The following SUCO variants were observed in gnomAD, a reference collection of about 807,000 sequenced individuals.
The protein encoded by SUCO is SUN domain containing ossification factor.
Under a neutral mutation model 148.1 loss-of-function variants are expected in SUCO, and 57 were observed. The ratio of observed to expected loss-of-function variants is 0.38; its 90% CI spans 0.31 to 0.48. The LOEUF is 0.48. Among genes scored for constraint, SUCO ranks in the 20% least tolerant of loss-of-function variants. The pLI is 0.96. For missense variants in SUCO, 1,331 were observed against 1,468.2 expected (o/e 0.91, Z 1.53); for synonymous variants, 470 against 502.7 (o/e 0.93, Z 0.87).
chr1:172,611,750 G>T lies in SUCO; in HGVS notation c.*1491G>T, dbSNP rs1291422397. ...ATGTGATCTGTGTGTTGTGGGAAGAGAATTTTCAATATGTAACTACGGAGC... is the reference window on the plus strand; with the variant it reads ...ATGTGATCTGTGTGTTGTGGGAAGATAATTTTCAATATGTAACTACGGAGC... On this transcript the variant is annotated 3_prime_UTR_variant, in exon 24 of 24. Transcript: ENST00000263688. 1 of 152,592 alleles carries T rather than the reference G, an allele frequency of 6.6e-6. No homozygotes were observed. The highest frequency in any genetic ancestry group is 1.9e-4 in the East Asian group (1 of 5,198). 9.5% of individuals were successfully genotyped at this position (152,592 alleles called of 1,614,324 possible).
At position 172,586,173 on chromosome 1, in the gene SUCO, G is replaced by T. The variant is rs933753046; in HGVS notation, c.1658+225G>T. Among the ~76,000 whole-genome samples, 15 of 151,332 alleles carry T rather than the reference G, an allele frequency of 9.9e-5. No individual in the cohort carries two copies. The East Asian group carries it at 1.7e-3, about 18-fold the overall frequency. ...TCAGATCAAACTTTTTTTGGGGGGGGTATTATATATTACTTTCATTATTCA... is the reference window on the plus strand; with the variant it reads ...TCAGATCAAACTTTTTTTGGGGGGGTTATTATATATTACTTTCATTATTCA... On this transcript the variant is annotated intron_variant, in intron 17 of 23. Coordinates refer to ENST00000263688, the MANE Select transcript of SUCO (RefSeq NM_014283.5).
At chr1:172,532,537 C>T (rs183778659), upstream of SUCO, 68 of 1,613,804 alleles carry the variant, frequency 4.2e-5, 2 homozygotes, top group East Asian at 1.2e-3. Context: ...TGGGGCAGTC[C>T]ATTGCCACAG....
At chr1:172,577,441 C>A in intron 11 of SUCO, 98 bp from the exon 12 acceptor site, 2 of 1,174,426 alleles carry the variant, frequency 1.7e-6, no homozygotes, top group Non-Finnish European at 2.4e-6. Flanking sequence ...ACTCTCTATA[C>A]TTTATACAAC....
At chr1:172,594,686 T>C (rs1291501104) in intron 19 of SUCO, among the ~76,000 whole-genome samples, 2 of 152,090 alleles carry the variant, frequency 1.3e-5, no homozygotes, top group Admixed American at 1.3e-4. Flanking sequence ...TGCTGAGGAG[T>C]GCTTTACCTC....
chr1:172,545,917 C>CTTCCTTTCCTTTCCT (rs762712987), intron 1 of SUCO, among the ~76,000 whole-genome samples: 3 of 151,794 alleles, frequency 2.0e-5, no homozygotes, highest in African/African-American at 7.3e-5. Flanking sequence ...TCCTTCCTTC[C>CTTCCTTTCCTTTCCT]TTCCTTTCCT....
chr1:172,574,996 A>G lies in SUCO; in HGVS notation c.1158-522A>G. 7.2e-6 allele frequency: 4 copies of G among 552,800 alleles called. No homozygotes were observed. In the South Asian group the frequency reaches 3.1e-4, roughly 44 times the overall value. The allele number at this position is 552,800 out of a possible 1,614,324, so 34.2% of individuals were successfully genotyped here. On this transcript the variant is annotated intron_variant, in intron 10 of 23. Coordinates refer to ENST00000263688, the MANE Select transcript of SUCO (RefSeq NM_014283.5). ...AAGTGTATTTTTTTAACGTGGTGAG[A>G]GGGCTCATTATTTTGAGGAGTTCTT... is the stretch of plus-strand genomic sequence containing the variant.
At chr1:172,606,463 T>G (rs1445994093) in intron 22 of SUCO, among the ~76,000 whole-genome samples, 1 of 151,776 alleles carries the variant, frequency 6.6e-6, no homozygotes, top group Non-Finnish European at 1.5e-5. Context: ...TTGTATCTTC[T>G]CCTTAACAAT....
chr1:172,582,472 A>G (rs1655940634), intron 15 of SUCO, among the ~76,000 whole-genome samples: 1 of 152,182 alleles, frequency 6.6e-6, no homozygotes, highest in South Asian at 2.1e-4. Flanking sequence ...ACCAAATATT[A>G]GGAGCATTTT....
At chr1:172,537,231 A>G (rs1652092096) in intron 1 of SUCO, among the ~76,000 whole-genome samples, 1 of 152,182 alleles carries the variant, frequency 6.6e-6, no homozygotes. Flanking sequence ...ATATAGTAAT[A>G]GTATATTAGT....
chr1:172,537,575 A>C (rs554838015), intron 1 of SUCO, among the ~76,000 whole-genome samples: 1 of 152,004 alleles, frequency 6.6e-6, no homozygotes, highest in East Asian at 1.9e-4. Flanking sequence ...ACAGTGAATC[A>C]TGGTGTGCTG....
upstream of SUCO, chr1:172,532,515 C>T (rs1651658572): frequency 6.2e-7 from 1 of 1,613,644 alleles, no homozygotes. Flanking sequence ...TACCAATCAA[C>T]ATCTAGCTCA....
intron 10 of SUCO, chr1:172,574,857 C>G (rs543186268): frequency 1.0e-6 from 1 of 985,008 alleles, no homozygotes; most frequent in Admixed American, 6.1e-5. Flanking sequence ...AATCGGTTCT[C>G]AAGACCTCTT....
In SUCO at chr1:172,587,151, G is replaced by A. The variant is rs960003500; in HGVS notation, c.1658+1203G>A. Among the ~76,000 whole-genome samples, 10 of 152,104 alleles carry A rather than the reference G, an allele frequency of 6.6e-5. No homozygotes were observed. In the South Asian group the frequency reaches 1.2e-3, roughly 19 times the overall value. On this transcript the variant is annotated intron_variant, in intron 17 of 23. Transcript: ENST00000263688. ...TTGAAAGCTGTAGTCACAGGCTAAC[G>A]TAGCAGTTTTTATTTTTCCATATTA... is the stretch of plus-strand genomic sequence containing the variant.
chr1:172,563,309 G>T (rs1654318977), intron 6 of SUCO, among the ~76,000 whole-genome samples: 1 of 152,192 alleles, frequency 6.6e-6, no homozygotes, highest in Non-Finnish European at 1.5e-5. Flanking sequence ...CAGAAAGTTT[G>T]GAACTTCCTA....
intron 19 of SUCO, among the ~76,000 whole-genome samples, chr1:172,599,114 A>C (rs903098825): frequency 6.6e-6 from 1 of 152,178 alleles, no homozygotes; most frequent in African/African-American, 2.4e-5. Context: ...ACTTTATTAA[A>C]AGTTCAAATT....
At chr1:172,553,209 T>C in intron 2 of SUCO, 51 bp from the exon 3 acceptor site, 2 of 1,475,652 alleles carry the variant, frequency 1.4e-6, no homozygotes, top group East Asian at 2.4e-5. Flanking sequence ...GCTTTATAAC[T>C]GTTTTGTAAA....
At chr1:172,567,197 G>A (rs1571222710) in intron 6 of SUCO, among the ~76,000 whole-genome samples, 1 of 152,330 alleles carries the variant, frequency 6.6e-6, no homozygotes, top group East Asian at 1.9e-4. Flanking sequence ...ATGCTCTTAT[G>A]TAGCAAATAT....
chr1:172,601,046 A>G (rs1473504504), intron 20 of SUCO, among the ~76,000 whole-genome samples: 2 of 152,210 alleles, frequency 1.3e-5, no homozygotes, highest in African/African-American at 4.8e-5. Context: ...TTTGAATTTT[A>G]TTTGAATCTT....
chr1:172,548,461 ACT>A (rs1479702537), intron 1 of SUCO, among the ~76,000 whole-genome samples: 10 of 151,598 alleles, frequency 6.6e-5, no homozygotes, highest in South Asian at 2.1e-4. Context: ...TTGCATTTGT[ACT>A]CTCTTTTATC....
Sources: allele counts gnomAD v4.1 joint callset (sites outside exome capture counted in the v4.1 genomes callset), GRCh38; gene constraint gnomAD v4.1.1; transcripts MANE v1.5; gene names NCBI Gene and HGNC (gene_info 2026-07-23, HGNC 2026-07-21).